The following CSRNP3 variants were observed in gnomAD, a reference collection of about 807,000 sequenced individuals.
CSRNP3 encodes cysteine and serine rich nuclear protein 3.
A neutral mutation model predicts 48.0 loss-of-function variants in CSRNP3; 12 were observed. The ratio of observed to expected loss-of-function variants is 0.25; its 90% confidence interval spans 0.16 to 0.41. CSRNP3 has a LOEUF of 0.41. Ranked by LOEUF, CSRNP3 falls within the 10% of genes least tolerant of loss-of-function variation. CSRNP3 has a pLI of 1.00. For missense variants in CSRNP3, 580 were observed against 724.4 expected (o/e 0.80, Z 2.29); for synonymous variants, 263 against 269.7 (o/e 0.98, Z 0.24).
At chr2:165,473,398 A>G (rs1007341260) in intron 1 of CSRNP3, among the ~76,000 whole-genome samples, 1 of 152,142 alleles carries the variant, frequency 6.6e-6, no homozygotes, top group African/African-American at 2.4e-5. Context: ...GAGGGGTGGC[A>G]TTTACAAGAA....
chr2:165,588,720 C>T (rs192332695), intron 3 of CSRNP3, among the ~76,000 whole-genome samples: 1 of 152,050 alleles, frequency 6.6e-6, no homozygotes, highest in African/African-American at 2.4e-5. Context: ...TCTGGGGGGT[C>T]GAGGTGAGAG....
chr2:165,476,231 G>C (rs975349671), intron 1 of CSRNP3, among the ~76,000 whole-genome samples: 1 of 152,094 alleles, frequency 6.6e-6, no homozygotes, highest in African/African-American at 2.4e-5. Context: ...GTCTGTTCTG[G>C]TGAACAATTC....
chr2:165,633,815 C>T (rs1039820719), intron 4 of CSRNP3, among the ~76,000 whole-genome samples: 1 of 152,180 alleles, frequency 6.6e-6, no homozygotes, highest in East Asian at 1.9e-4. Flanking sequence ...CAATCATTCA[C>T]TATTTGTGGC....
rs1687606569 is a variant in CSRNP3 at position 165,684,892 on chromosome 2, C to T, written c.*5139C>T. 6.6e-6 allele frequency: 1 copy of T among 151,912 alleles called. No individual in the cohort carries two copies. The highest frequency in any genetic ancestry group is 1.5e-5 in the Non-Finnish European group (1 of 67,936). The allele number at this position is 151,912 out of a possible 1,614,324, so 9.4% of individuals were successfully genotyped here. ...GCCAGATCTTATTACATCATAAAGA[C>T]TAGAGTTACAAATGGCAGCCCCAAA... On this transcript the variant is annotated 3_prime_UTR_variant, in exon 7 of 7. Coordinates refer to ENST00000651982, the MANE Select transcript of CSRNP3 (RefSeq NM_001172173.2).
chr2:165,597,507 A>C (rs1380536600), intron 4 of CSRNP3, among the ~76,000 whole-genome samples: 1 of 152,166 alleles, frequency 6.6e-6, no homozygotes, highest in Non-Finnish European at 1.5e-5. Flanking sequence ...TTTTTTAATA[A>C]TGAGGAAAGT....
At chr2:165,547,949 A>G (rs1342119735) in intron 3 of CSRNP3, among the ~76,000 whole-genome samples, 1 of 152,124 alleles carries the variant, frequency 6.6e-6, no homozygotes, top group East Asian at 1.9e-4. Context: ...CATTTTACAA[A>G]GTTGACAGAG....
chr2:165,573,751 A>T (rs1450951462), intron 3 of CSRNP3, among the ~76,000 whole-genome samples: 2 of 152,234 alleles, frequency 1.3e-5, no homozygotes, highest in Non-Finnish European at 2.9e-5. Flanking sequence ...GTAGTGACTA[A>T]TATAAATTTA....
chr2:165,585,490 G>A (rs928165458), intron 3 of CSRNP3, among the ~76,000 whole-genome samples: 14 of 152,076 alleles, frequency 9.2e-5, no homozygotes, highest in African/African-American at 2.4e-4. Flanking sequence ...GCAAAATTAC[G>A]TTCCTTTCTG....
At chr2:165,678,193 A>C (rs1687460090) in intron 6 of CSRNP3, among the ~76,000 whole-genome samples, 1 of 152,208 alleles carries the variant, frequency 6.6e-6, no homozygotes, top group African/African-American at 2.4e-5. Context: ...AGGGAAAAGC[A>C]CCTTTATAAT....
At chr2:165,484,993 T>C (rs1462277686) in intron 1 of CSRNP3, among the ~76,000 whole-genome samples, 1 of 139,116 alleles carries the variant, frequency 7.2e-6, no homozygotes, top group East Asian at 2.3e-4. Flanking sequence ...TTGAATATTT[T>C]AATTCAAACT....
At chr2:165,516,241 A>G (rs954227578) in intron 2 of CSRNP3, among the ~76,000 whole-genome samples, 2 of 152,140 alleles carry the variant, frequency 1.3e-5, no homozygotes, top group Admixed American at 6.5e-5. Context: ...TTTAACAGAG[A>G]AAACAGGAAA....
Position 165,494,798 on chromosome 2 carries a change from A to AG in CSRNP3, c.-239dup. 1 of 213,840 alleles carries AG rather than the reference A, an allele frequency of 4.7e-6. No individual in the cohort carries two copies. The allele number at this position is 213,840 out of a possible 1,614,324, so 13.2% of individuals were successfully genotyped here. ...GTTGCAGCTATGAGTGGAATTTTAAAGGGGAAGTTTGAAGAAGTCAACGGC... is the reference window on the plus strand; with the variant it reads ...GTTGCAGCTATGAGTGGAATTTTAAAGGGGGAAGTTTGAAGAAGTCAACGGC... On this transcript the variant is annotated 5_prime_UTR_variant, in exon 2 of 7. It introduces an in-frame stop codon into an upstream open reading frame of the 5' UTR. Coordinates refer to ENST00000651982, the MANE Select transcript of CSRNP3 (RefSeq NM_001172173.2).
intron 1 of CSRNP3, among the ~76,000 whole-genome samples, chr2:165,485,968 T>C (rs113734129): frequency 0.023 from 3,503 of 152,078 alleles, 120 homozygotes; most frequent in African/African-American, 0.077. Context: ...GGAACAGCTC[T>C]GGTCTACAGC....
intron 3 of CSRNP3, among the ~76,000 whole-genome samples, chr2:165,592,377 A>G (rs973659244): frequency 6.6e-6 from 1 of 152,140 alleles, no homozygotes; most frequent in African/African-American, 2.4e-5. Context: ...GAGACGTTGG[A>G]CTTCGACTTT....
At chr2:165,624,352 TCTATAGAATCGC>T (rs1320704703) in intron 4 of CSRNP3, among the ~76,000 whole-genome samples, 1 of 152,252 alleles carries the variant, frequency 6.6e-6, no homozygotes, top group Non-Finnish European at 1.5e-5. Context: ...TCATGCCTGC[TCTATAGAATCGC>T]CAAAGAGGGC....
chr2:165,485,461 A>G (rs997510558), intron 1 of CSRNP3, among the ~76,000 whole-genome samples: 3 of 152,228 alleles, frequency 2.0e-5, no homozygotes, highest in Non-Finnish European at 4.4e-5. Flanking sequence ...CTTTCCTGCA[A>G]TATTTCTAAA....
At position 165,686,752 on chromosome 2, in the gene CSRNP3, C is replaced by T. The variant is rs1040944772; in HGVS notation, c.*6999C>T. The T allele has an allele frequency of 1.3e-5, 2 of 152,026 alleles. No individual in the cohort carries two copies. The highest frequency in any genetic ancestry group is 4.8e-5 in the African/African-American group (2 of 41,394). The allele number at this position is 152,026 out of a possible 1,614,324, so 9.4% of individuals were successfully genotyped here. A position where few individuals can be genotyped will look rare whatever the true frequency, so the allele number is the denominator to read the frequency against. On this transcript the variant is annotated 3_prime_UTR_variant, in exon 7 of 7. Coordinates refer to ENST00000651982, the MANE Select transcript of CSRNP3 (RefSeq NM_001172173.2). ...AAATAAAGCCCACTGCCATGGGTTA[C>T]CATCTGAACCCTGATTCATTAGGCA... is the stretch of plus-strand genomic sequence containing the variant.
chr2:165,558,920 G>A (rs1164392476), intron 3 of CSRNP3, among the ~76,000 whole-genome samples: 1 of 152,034 alleles, frequency 6.6e-6, no homozygotes, highest in Non-Finnish European at 1.5e-5. Context: ...TCTTCCGATA[G>A]GCATAGATTG....
chr2:165,637,905 A>G (rs905373099), intron 4 of CSRNP3, among the ~76,000 whole-genome samples: 2 of 152,182 alleles, frequency 1.3e-5, no homozygotes, highest in African/African-American at 4.8e-5. Flanking sequence ...TATTTTTTAA[A>G]ATGTACTATT....
Sources: allele counts gnomAD v4.1 joint callset (sites outside exome capture counted in the v4.1 genomes callset), GRCh38; gene constraint gnomAD v4.1.1; transcripts MANE v1.5; gene names NCBI Gene and HGNC (gene_info 2026-07-23, HGNC 2026-07-21).